VWC2: variants seen among roughly 807,000 people sequenced by gnomAD.
VWC2 encodes brorin.
In VWC2, 14 loss-of-function variants were observed where a neutral mutation model predicts 29.8. The observed-to-expected ratio is 0.47, with a 90% CI of 0.31 to 0.74. The LOEUF is 0.74. VWC2 is among the 30% of genes least tolerant of loss of function. VWC2 has a pLI of 0.05. For missense variants in VWC2, 457 were observed against 459.8 expected, an observed-to-expected ratio of 0.99 and a Z score of 0.05; for synonymous variants, 213 against 199.0, an observed-to-expected ratio of 1.07 and a Z score of -0.59.
In VWC2 at chr7:49,889,005, G is replaced by C. The variant is rs368816736; in HGVS notation, c.827-23029G>C. ...GCTGGGGATGACCCATTGGGCTGACGCAAGTAGGGGCCACCTGGACCACAC... is the reference window on the plus strand; with the variant it reads ...GCTGGGGATGACCCATTGGGCTGACCCAAGTAGGGGCCACCTGGACCACAC... On this transcript the variant is annotated intron_variant, in intron 3 of 3. Transcript: ENST00000340652. 5.3e-5 allele frequency among the ~76,000 whole-genome samples: 8 copies of C among 152,292 alleles called. No homozygotes were observed. In the East Asian group the frequency reaches 1.5e-3, roughly 29 times the overall value.
intron 2 of VWC2, among the ~76,000 whole-genome samples, chr7:49,792,241 A>T (rs532516722): frequency 3.8e-4 from 58 of 152,322 alleles, no homozygotes; most frequent in Middle Eastern, 3.4e-3. Flanking sequence ...TGGAGTGTCC[A>T]TCATGAGCCA....
intron 3 of VWC2, among the ~76,000 whole-genome samples, chr7:49,894,788 A>G (rs1792300862): frequency 6.6e-6 from 1 of 152,224 alleles, no homozygotes; most frequent in Admixed American, 6.5e-5. Context: ...AAGAGGTTCT[A>G]GCCAGATTTG....
chr7:49,883,871 A>G (rs1253760815), intron 3 of VWC2, among the ~76,000 whole-genome samples: 2 of 152,242 alleles, frequency 1.3e-5, no homozygotes, highest in Non-Finnish European at 2.9e-5. Context: ...TAAAGAAAAC[A>G]AGTATTCAAC....
chr7:49,859,822 ACACT>A (rs1449450373), intron 3 of VWC2, among the ~76,000 whole-genome samples: 14 of 140,426 alleles, frequency 1.0e-4, no homozygotes, highest in Non-Finnish European at 1.4e-4. Flanking sequence ...ACACACACAC[ACACT>A]CACTCTGCTG....
chr7:49,858,367 A>G (rs1790509318), intron 3 of VWC2, among the ~76,000 whole-genome samples: 2 of 152,124 alleles, frequency 1.3e-5, no homozygotes, highest in Non-Finnish European at 2.9e-5. Flanking sequence ...ATGGAATACT[A>G]TGCAGCCATA....
At chr7:49,783,343 G>A (rs1407393691) in intron 2 of VWC2, among the ~76,000 whole-genome samples, 3 of 152,070 alleles carry the variant, frequency 2.0e-5, no homozygotes, top group Non-Finnish European at 4.4e-5. Flanking sequence ...CACAGTAGAA[G>A]CCACTCTATT....
intron 3 of VWC2, among the ~76,000 whole-genome samples, chr7:49,849,308 A>G (rs1264508379): frequency 1.3e-5 from 2 of 152,214 alleles, no homozygotes; most frequent in East Asian, 1.9e-4. Flanking sequence ...AAATCTGCTC[A>G]AAAGTAATTC....
intron 3 of VWC2, among the ~76,000 whole-genome samples, chr7:49,820,527 G>A (rs906407318): frequency 6.6e-6 from 1 of 152,106 alleles, no homozygotes; most frequent in Non-Finnish European, 1.5e-5. Flanking sequence ...TTTTAAAAAG[G>A]ATTAAAATGA....
At chr7:49,908,623 C>T (rs1324070911) in intron 3 of VWC2, among the ~76,000 whole-genome samples, 3 of 151,474 alleles carry the variant, frequency 2.0e-5, no homozygotes, top group Non-Finnish European at 2.9e-5. Context: ...AAGGGCCACC[C>T]CAGTCAGTAT....
chr7:49,859,760 T>C (rs937327536), intron 3 of VWC2, among the ~76,000 whole-genome samples: 1 of 151,714 alleles, frequency 6.6e-6, no homozygotes. Context: ...CCTACAGATG[T>C]ACTTGATGTG....
In VWC2 at chr7:49,775,640, G is replaced by A. The variant is rs1242221544; in HGVS notation, c.205G>A (p.Glu69Lys). 11 of 1,529,448 alleles carry A rather than the reference G, an allele frequency of 7.2e-6. No homozygotes were observed. The highest frequency in any genetic ancestry group is 8.8e-6 in the Non-Finnish European group (10 of 1,141,146). 94.7% of individuals were successfully genotyped at this position (1,529,448 alleles called of 1,614,324 possible). A position where few individuals can be genotyped will look rare whatever the true frequency, so the allele number is the denominator to read the frequency against. Residue 69 changes from glutamate (E) to lysine (K), a missense_variant, in exon 2 of 4, where the codon GAG becomes AAG. Physicochemically the swap from Glu to Lys is moderately conservative, Grantham distance 56. This residue lies in a region of VWC2 where 272 missense variants were observed against 202.7 expected (regional missense o/e 1.34). Coordinates refer to ENST00000340652, the MANE Select transcript of VWC2 (RefSeq NM_198570.5). Reference sequence around the variant, plus strand: ...CGAGCTCGGGCGCCCGGCGAGGGACGAGGGCGGCAGCGGCCGGGACTGGAA... The same window carrying A: ...CGAGCTCGGGCGCCCGGCGAGGGACAAGGGCGGCAGCGGCCGGGACTGGAA... ...VNELGRPARDEGGSGRDWKSK... is the reference protein window; with the variant it reads ...VNELGRPARDKGGSGRDWKSK...
chr7:49,799,569 C>A (rs929547175), intron 2 of VWC2, among the ~76,000 whole-genome samples: 109 of 152,334 alleles, frequency 7.2e-4, no homozygotes, highest in African/African-American at 2.5e-3. Flanking sequence ...CTGGTGAAGG[C>A]AGATGTAGGT....
In VWC2 at chr7:49,775,856, C is replaced by A; in HGVS notation, c.421C>A (p.Pro141Thr). ...IGPELAPTPEPPEEYVYPDYR... is the reference protein window; with the variant it reads ...IGPELAPTPETPEEYVYPDYR... ...CCCGGAACTCGCGCCCACGCCCGAG[C>A]CACCCGAGGAGTACGTGTACCCGGA... is the stretch of plus-strand genomic sequence containing the variant. The change falls in exon 2 of 4, where the codon CCA becomes ACA. Residue 141 changes from proline (P) to threonine (T), a missense_variant. By Grantham distance (38) the Pro-to-Thr change is conservative (BLOSUM62 -1). Transcript: ENST00000340652. 3.2e-6 allele frequency: 5 copies of A among 1,553,362 alleles called. No individual in the cohort carries two copies. Among genetic ancestry groups the A allele is most frequent in the Non-Finnish European group, 4.4e-6 (5 of 1,149,402 alleles).
At chr7:49,892,658 G>A (rs547860061) in intron 3 of VWC2, among the ~76,000 whole-genome samples, 2 of 152,332 alleles carry the variant, frequency 1.3e-5, no homozygotes, top group East Asian at 3.9e-4. Context: ...GAAGGCCTAT[G>A]TAATAATACT....
intron 2 of VWC2, among the ~76,000 whole-genome samples, chr7:49,781,534 C>T (rs1454161288): frequency 6.6e-6 from 1 of 151,850 alleles, no homozygotes; most frequent in African/African-American, 2.4e-5. Context: ...AAACTAAGGT[C>T]CGAAAAAGTT....
intron 3 of VWC2, among the ~76,000 whole-genome samples, chr7:49,877,205 T>C (rs911091981): frequency 4.0e-5 from 6 of 151,858 alleles, no homozygotes; most frequent in African/African-American, 1.5e-4. Flanking sequence ...CTCATGCCTG[T>C]AATCCCAGCA....
intron 2 of VWC2, among the ~76,000 whole-genome samples, chr7:49,791,874 C>G (rs1056196387): frequency 1.3e-5 from 2 of 152,250 alleles, no homozygotes; most frequent in Non-Finnish European, 2.9e-5. Flanking sequence ...ATAATGGCCA[C>G]TGTCTTCCTG....
chr7:49,846,359 A>G (rs555461285), intron 3 of VWC2, among the ~76,000 whole-genome samples: 2 of 152,348 alleles, frequency 1.3e-5, no homozygotes, highest in African/African-American at 2.4e-5. Context: ...CTGGTCTCTT[A>G]ACAGCTGTCC....
At chr7:49,854,365 C>T (rs1272731437) in intron 3 of VWC2, among the ~76,000 whole-genome samples, 1 of 152,172 alleles carries the variant, frequency 6.6e-6, no homozygotes, top group Non-Finnish European at 1.5e-5. Flanking sequence ...CACATCCTCT[C>T]CAGCACCTGT....
Sources: gnomAD v4.1 joint callset for allele counts (sites outside exome capture counted in the v4.1 genomes callset) on GRCh38, gnomAD v4.1.1 for gene constraint, gnomAD v4.1.1 regional missense constraint, MANE v1.5 for transcripts, NCBI Gene and HGNC (gene_info 2026-07-23, HGNC 2026-07-21) for gene names.